The following TENM3 variants were observed in gnomAD, a reference collection of about 807,000 sequenced individuals.
TENM3 encodes the protein teneurin transmembrane protein 3.
In TENM3, 63 loss-of-function variants were observed where a neutral mutation model predicts 255.1. That is an observed-to-expected ratio of 0.25 (90% CI 0.20 to 0.30). TENM3 has a LOEUF of 0.30. Ranked by LOEUF, TENM3 falls within the 10% of genes least tolerant of loss-of-function variation. TENM3 has a pLI of 1.00. For missense variants in TENM3, 2,929 were observed against 3,461.1 expected (o/e 0.85, Z 3.86); for synonymous variants, 1,306 against 1,322.3 (o/e 0.99, Z 0.27).
intron 3 of TENM3, among the ~76,000 whole-genome samples, chr4:182,470,320 C>T (rs1428644090): frequency 6.6e-6 from 1 of 152,180 alleles, no homozygotes; most frequent in Non-Finnish European, 1.5e-5. Flanking sequence ...AAAGTATTTT[C>T]TCACAATATC....
chr4:182,716,262 C>T (rs1286516972), intron 13 of TENM3, among the ~76,000 whole-genome samples: 2 of 152,218 alleles, frequency 1.3e-5, no homozygotes, highest in Non-Finnish European at 2.9e-5. Context: ...AAGCGGGCTG[C>T]AGGACCAAGT....
At chr4:181,766,833 C>A in the TENM3 span, among the ~76,000 whole-genome samples, 3 of 151,516 alleles carry the variant, frequency 2.0e-5, no homozygotes, top group Non-Finnish European at 2.9e-5. Flanking sequence ...ATGAGCTTAT[C>A]AAAATTCTCT....
the TENM3 span, among the ~76,000 whole-genome samples, chr4:181,717,243 T>G: frequency 6.6e-6 from 1 of 152,172 alleles, no homozygotes; most frequent in Non-Finnish European, 1.5e-5. Flanking sequence ...GATGCACAAT[T>G]ATTGGCAGGT....
intron 12 of TENM3, among the ~76,000 whole-genome samples, chr4:182,700,871 A>G (rs1446385842): frequency 6.6e-6 from 1 of 152,086 alleles, no homozygotes; most frequent in Non-Finnish European, 1.5e-5. Flanking sequence ...AAATTGGTCA[A>G]TTTGCATCAA....
the TENM3 span, among the ~76,000 whole-genome samples, chr4:182,105,920 C>T: frequency 6.6e-6 from 1 of 152,218 alleles, no homozygotes; most frequent in Non-Finnish European, 1.5e-5. Flanking sequence ...ACTGCCCTGG[C>T]TTCACCACTG....
chr4:181,799,938 A>T, the TENM3 span, among the ~76,000 whole-genome samples: 7 of 152,156 alleles, frequency 4.6e-5, no homozygotes, highest in Non-Finnish European at 8.8e-5. Context: ...GCGGATGAGT[A>T]GAGTGGTCTG....
At chr4:182,331,944 C>G (rs1170507875) in intron 2 of TENM3, among the ~76,000 whole-genome samples, 6 of 152,084 alleles carry the variant, frequency 3.9e-5, no homozygotes, top group Non-Finnish European at 7.4e-5. Flanking sequence ...TCAGGCAGAT[C>G]TGAAAGACAA....
chr4:182,450,419 G>T (rs1266665283), intron 3 of TENM3, among the ~76,000 whole-genome samples: 2 of 151,572 alleles, frequency 1.3e-5, no homozygotes, highest in East Asian at 3.9e-4. Context: ...TTTTTCCAGC[G>T]GACTCCCAGG....
At chr4:182,584,620 A>G (rs1745819732) in intron 3 of TENM3, among the ~76,000 whole-genome samples, 1 of 152,136 alleles carries the variant, frequency 6.6e-6, no homozygotes. Context: ...TATTTTGGAA[A>G]CATAATTAGG....
In TENM3 at chr4:182,646,876, T is replaced by C. The variant is rs145776587; in HGVS notation, c.989-6895T>C. The stretch of plus-strand genomic sequence containing the variant: ...AAGAAGTGTGTGCTGAGGAAGTATG[T>C]ATTGTGGTCTCTTCTTTTGAGATAC... On this transcript the variant is annotated intron_variant, in intron 5 of 27. Coordinates refer to ENST00000511685, the MANE Select transcript of TENM3 (RefSeq NM_001080477.4). Among the ~76,000 whole-genome samples the C allele has an allele frequency of 8.5e-5, 13 of 152,310 alleles. No individual in the cohort carries two copies. In the East Asian group the frequency reaches 1.5e-3, roughly 18 times the overall value.
intron 3 of TENM3, among the ~76,000 whole-genome samples, chr4:182,397,867 T>A (rs1768955483): frequency 6.6e-6 from 1 of 152,168 alleles, no homozygotes; most frequent in African/African-American, 2.4e-5. Context: ...CTGCTCCAAA[T>A]GACTGCGCTC....
At chr4:181,893,486 T>TTC in the TENM3 span, among the ~76,000 whole-genome samples, 2 of 11,366 alleles carry the variant, frequency 1.8e-4, no homozygotes, top group African/African-American at 4.1e-4. Context: ...CACTTTCCCC[T>TTC]GCCCACCCCC....
At chr4:182,696,892 A>G (rs1280598570) in intron 12 of TENM3, among the ~76,000 whole-genome samples, 1 of 152,162 alleles carries the variant, frequency 6.6e-6, no homozygotes, top group East Asian at 1.9e-4. Flanking sequence ...TGTAAATTTC[A>G]GACCCATAAA....
chr4:181,966,602 C>T, the TENM3 span, among the ~76,000 whole-genome samples: 1 of 152,156 alleles, frequency 6.6e-6, no homozygotes, highest in Non-Finnish European at 1.5e-5. Flanking sequence ...CTCCCAGAAG[C>T]CCCAAGGGCA....
chr4:181,510,704 A>T, the TENM3 span, among the ~76,000 whole-genome samples: 2 of 152,244 alleles, frequency 1.3e-5, no homozygotes, highest in African/African-American at 4.8e-5. Flanking sequence ...AGCATCTGAA[A>T]GGTAACACGC....
the TENM3 span, among the ~76,000 whole-genome samples, chr4:181,725,190 T>C: frequency 2.0e-5 from 3 of 152,180 alleles, no homozygotes; most frequent in African/African-American, 7.2e-5. Flanking sequence ...CATCTTTTGC[T>C]TTTTAGCCTC....
In TENM3 at chr4:182,176,049, A is replaced by G. The variant is rs542085403; in HGVS notation, c.-76+31295A>G. On this transcript the variant is annotated intron_variant, in intron 1 of 2. Coordinates refer to the TENM3 transcript ENST00000512480. ...TTAGTAATGTTTTTAGTTATCGTTT[A>G]TAGTTTAGTTAATGATTTCGTTAGT... Among the ~76,000 whole-genome samples the G allele has an allele frequency of 3.3e-5, 5 of 152,276 alleles. No homozygotes were observed. In the East Asian group the frequency reaches 9.7e-4, roughly 29 times the overall value.
chr4:182,346,986 T>C, intron 3 of TENM3, 57 bp downstream of exon 3: 4 of 1,083,500 alleles, frequency 3.7e-6, no homozygotes, highest in Non-Finnish European at 4.8e-6. Context: ...TCTGTTTTGG[T>C]TGACTCCGCG....
At chr4:182,772,995 C>G (rs1390738381) in intron 22 of TENM3, among the ~76,000 whole-genome samples, 1 of 152,094 alleles carries the variant, frequency 6.6e-6, no homozygotes, top group Admixed American at 6.6e-5. Context: ...TTGAAGATGT[C>G]TGAAGATACT....
Sources: allele counts gnomAD v4.1 joint callset (sites outside exome capture counted in the v4.1 genomes callset), GRCh38; gene constraint gnomAD v4.1.1; transcripts MANE v1.5; gene names NCBI Gene and HGNC (gene_info 2026-07-23, HGNC 2026-07-21).